PLXDC1: variants seen among roughly 807,000 people sequenced by gnomAD.
PLXDC1 encodes plexin domain-containing protein 1.
PLXDC1 carries 39 observed loss-of-function variants against 61.3 expected under a neutral mutation model. That is an observed-to-expected ratio of 0.64 (90% CI 0.49 to 0.83). The LOEUF (loss-of-function observed/expected upper bound fraction) is 0.83. Among genes scored for constraint, PLXDC1 ranks in the 40% least tolerant of loss-of-function variants. PLXDC1 has a pLI of 0.00. For missense variants in PLXDC1, 596 were observed against 666.5 expected (o/e 0.89, Z 1.17); for synonymous variants, 212 against 254.5 (o/e 0.83, Z 1.59).
At chr17:39,104,361 C>A (rs1294317194) in intron 7 of PLXDC1, among the ~76,000 whole-genome samples, 1 of 152,128 alleles carries the variant, frequency 6.6e-6, no homozygotes, top group Non-Finnish European at 1.5e-5. Context: ...CCCTAACACT[C>A]CACTGAACTT....
chr17:39,152,715 G>A (rs114070984), upstream of PLXDC1: 4,808 of 1,231,788 alleles, frequency 3.9e-3, 142 homozygotes, highest in African/African-American at 0.067. Flanking sequence ...ATATGGGCGG[G>A]GACAGGAGAA....
At chr17:39,095,312 C>T (rs866256373) in intron 7 of PLXDC1, among the ~76,000 whole-genome samples, 2 of 144,564 alleles carry the variant, frequency 1.4e-5, no homozygotes, top group African/African-American at 2.5e-5. Context: ...TGTACTTGTT[C>T]GAGTGTGGGT....
chr17:39,114,580 A>G (rs1905956394), intron 2 of PLXDC1, among the ~76,000 whole-genome samples: 1 of 152,188 alleles, frequency 6.6e-6, no homozygotes, highest in South Asian at 2.1e-4. Flanking sequence ...GCCTTTATTT[A>G]TCGTGTTTAA....
intron 1 of PLXDC1, among the ~76,000 whole-genome samples, chr17:39,141,562 C>T (rs943682997): frequency 3.3e-5 from 5 of 152,298 alleles, no homozygotes; most frequent in African/African-American, 9.6e-5. Flanking sequence ...TTTGCTTCCA[C>T]GTTTTAGCTA....
At chr17:39,148,953 C>T (rs1359386691) in intron 1 of PLXDC1, among the ~76,000 whole-genome samples, 4 of 152,132 alleles carry the variant, frequency 2.6e-5, no homozygotes, top group African/African-American at 9.7e-5. Flanking sequence ...GCCTGGCCTC[C>T]TGCAGGACTC....
chr17:39,096,529 C>G (rs752649566), intron 7 of PLXDC1, among the ~76,000 whole-genome samples: 10 of 152,204 alleles, frequency 6.6e-5, no homozygotes, highest in Non-Finnish European at 1.2e-4. Flanking sequence ...CCACCCCTCC[C>G]TTACCTGCAG....
At chr17:39,139,213 G>A (rs891535214) in intron 2 of PLXDC1, among the ~76,000 whole-genome samples, 1 of 152,206 alleles carries the variant, frequency 6.6e-6, no homozygotes, top group African/African-American at 2.4e-5. Flanking sequence ...CCCCTGCTGA[G>A]TGCCCAGCCC....
rs1468906430 is a variant in PLXDC1, at chr17:39,067,200, G to A, written c.*640C>T. On this transcript the variant is annotated 3_prime_UTR_variant, in exon 14 of 14. Coordinates refer to ENST00000315392, the MANE Select transcript of PLXDC1 (RefSeq NM_020405.5). The stretch of plus-strand genomic sequence containing the variant: ...GAAGATGGTGGACTAATGTCCTAAA[G>A]AACCGTCTTAAAATTATGCGGGCTT... 6.6e-6 allele frequency: 1 copy of A among 152,216 alleles called. No homozygotes were observed. Among genetic ancestry groups the A allele is most frequent in the Non-Finnish European group, 1.5e-5 (1 of 68,056 alleles). 9.4% of individuals were successfully genotyped at this position (152,216 alleles called of 1,614,324 possible).
At chr17:39,123,033 A>G (rs1304873270) in intron 2 of PLXDC1, among the ~76,000 whole-genome samples, 1 of 152,208 alleles carries the variant, frequency 6.6e-6, no homozygotes, top group Admixed American at 6.5e-5. Flanking sequence ...TCGGGGTTCC[A>G]TGGAGCACAA....
intron 3 of PLXDC1, 82 bp from the exon 4 acceptor site, chr17:39,109,055 G>A: frequency 7.6e-7 from 1 of 1,313,484 alleles, no homozygotes; most frequent in Non-Finnish European, 1.1e-6. Flanking sequence ...TGCTTGTTTG[G>A]ACAGAGTGGG....
chr17:39,090,967 G>A (rs1005888484), intron 7 of PLXDC1, among the ~76,000 whole-genome samples: 4 of 152,188 alleles, frequency 2.6e-5, no homozygotes, highest in African/African-American at 9.7e-5. Flanking sequence ...TGGAGAGAGA[G>A]GAGGCCCACA....
chr17:39,135,266 G>A (rs886793094), intron 2 of PLXDC1, among the ~76,000 whole-genome samples: 19 of 152,228 alleles, frequency 1.2e-4, no homozygotes, highest in African/African-American at 4.6e-4. Flanking sequence ...TTGCTCCTGT[G>A]TGGACCCTCG....
intron 2 of PLXDC1, among the ~76,000 whole-genome samples, chr17:39,139,326 G>C (rs992694504): frequency 1.3e-5 from 2 of 152,190 alleles, no homozygotes; most frequent in African/African-American, 4.8e-5. Flanking sequence ...GACTCATAAG[G>C]CCACTGTCAG....
chr17:39,135,678 A>C (rs867811521), intron 2 of PLXDC1, among the ~76,000 whole-genome samples: 2,267 of 144,014 alleles, frequency 0.016, 48 homozygotes, highest in Middle Eastern at 0.074. Flanking sequence ...ACTCCGTCTA[A>C]AAAAAAAAAA....
In PLXDC1 at chr17:39,065,815, T is replaced by C. The variant is rs1173195734; in HGVS notation, c.*2025A>G. ...CTGACAGTCCAGCAAGGCAAGGAGG[T>C]AGGTACTTCACACACTGTGCACACC... On this transcript the variant is annotated 3_prime_UTR_variant, in exon 14 of 14. Coordinates refer to ENST00000315392, the MANE Select transcript of PLXDC1 (RefSeq NM_020405.5). The C allele has an allele frequency of 1.3e-5, 2 of 152,086 alleles. No homozygotes were observed. Among genetic ancestry groups the C allele is most frequent in the Non-Finnish European group, 2.9e-5 (2 of 68,190 alleles). The allele number at this position is 152,086 out of a possible 1,614,324, so 9.4% of individuals were successfully genotyped here.
intron 2 of PLXDC1, among the ~76,000 whole-genome samples, chr17:39,133,819 G>A (rs1911642817): frequency 6.6e-6 from 1 of 152,104 alleles, no homozygotes; most frequent in Non-Finnish European, 1.5e-5. Context: ...GGAGATGGGG[G>A]TGTCACTGTG....
At chr17:39,073,737 C>G (rs1909214626) in intron 11 of PLXDC1, among the ~76,000 whole-genome samples, 1 of 152,210 alleles carries the variant, frequency 6.6e-6, no homozygotes, top group Admixed American at 6.5e-5. Context: ...TGGTCATTTT[C>G]TGTTGTTAGT....
chr17:39,071,658 T>C (rs1163639532), intron 12 of PLXDC1, among the ~76,000 whole-genome samples: 1 of 152,150 alleles, frequency 6.6e-6, no homozygotes, highest in African/African-American at 2.4e-5. Context: ...CTTCTGCTGA[T>C]GAGCACATGG....
intron 7 of PLXDC1, among the ~76,000 whole-genome samples, chr17:39,098,641 G>T (rs377391864): frequency 6.6e-6 from 1 of 152,214 alleles, no homozygotes; most frequent in Non-Finnish European, 1.5e-5. Context: ...AAGTATCAGC[G>T]AAGTGCCGGG....
Sources: gnomAD v4.1 joint callset for allele counts (sites outside exome capture counted in the v4.1 genomes callset) on GRCh38, gnomAD v4.1.1 for gene constraint, MANE v1.5 for transcripts, NCBI Gene and HGNC (gene_info 2026-07-23, HGNC 2026-07-21) for gene names.